SKI: variants seen among roughly 807,000 people sequenced by gnomAD.
SKI encodes ski oncogene.
Under a neutral mutation model 59.3 loss-of-function variants are expected in SKI, and 23 were observed. The observed-to-expected ratio is 0.39, with a 90% CI of 0.28 to 0.55. SKI has a LOEUF of 0.55. Ranked by LOEUF, SKI falls within the 20% of genes least tolerant of loss-of-function variation. The pLI is 0.67. For synonymous variants in SKI, 673 were observed against 488.6 expected (o/e 1.38, Z -4.98); for missense variants, 1,017 against 1,038.9 (o/e 0.98, Z 0.29).
intron 1 of SKI, among the ~76,000 whole-genome samples, chr1:2,253,805 T>G (rs917294786): frequency 6.6e-6 from 1 of 152,126 alleles, no homozygotes; most frequent in Non-Finnish European, 1.5e-5. Flanking sequence ...GTGCCCCCCC[T>G]ACCAGGGCTG....
At chr1:2,254,517 TACTC>T (rs1176410624) in intron 1 of SKI, among the ~76,000 whole-genome samples, 3 of 152,262 alleles carry the variant, frequency 2.0e-5, no homozygotes, top group African/African-American at 4.8e-5. Flanking sequence ...ATTTACTTGA[TACTC>T]AGTCTGGGTG....
chr1:2,286,741 C>G (rs533365050), intron 1 of SKI, among the ~76,000 whole-genome samples: 1 of 152,254 alleles, frequency 6.6e-6, no homozygotes, highest in Admixed American at 6.5e-5. Flanking sequence ...GCGCCTGTCT[C>G]CCTCCCTCCC....
rs1639595267 is a variant in SKI, at chr1:2,270,591, C to T, written c.970-32387C>T. Among the ~76,000 whole-genome samples, 1 of 152,074 alleles carries T rather than the reference C, an allele frequency of 6.6e-6. No individual in the cohort carries two copies. Among genetic ancestry groups the T allele is most frequent in the Admixed American group, 6.5e-5 (1 of 15,280 alleles). ...AACAAGCTGCCGGCTGAGGAGGCCG[C>T]ACTCCCCGTGCCTCCCGGGCAGACA... On this transcript the variant is annotated intron_variant, in intron 1 of 6. Coordinates refer to ENST00000378536, the MANE Select transcript of SKI (RefSeq NM_003036.4). This position sits in a 1 kb window ranked among gnomAD's most constrained non-coding sequence, Gnocchi z 4.1.
chr1:2,285,387 T>C (rs575486221), intron 1 of SKI, among the ~76,000 whole-genome samples: 195 of 151,114 alleles, frequency 1.3e-3, no homozygotes, highest in Middle Eastern at 6.8e-3. Context: ...TGGTGGCGGG[T>C]GCCTGTAATC....
At chr1:2,234,723 TGAG>T (rs1638716076) in intron 1 of SKI, among the ~76,000 whole-genome samples, 2 of 152,182 alleles carry the variant, frequency 1.3e-5, no homozygotes, top group Admixed American at 6.5e-5. Flanking sequence ...TTGCGAAAGT[TGAG>T]GGAGGATTTC....
In SKI at chr1:2,304,684, C is replaced by CT; in HGVS notation, c.1767+100dup. On this transcript the variant is annotated intron_variant, in intron 5 of 6. Transcript: ENST00000378536. ...CAGGTGGTGCCTCCTCCCTTCCTGG[C>CT]TGCCCCATGCGCTCCTCTCTGCCTC... 6 of 1,453,550 alleles carry CT rather than the reference C, an allele frequency of 4.1e-6. No individual in the cohort carries two copies. In the South Asian group the frequency reaches 8.5e-5, roughly 21 times the overall value. The allele number at this position is 1,453,550 out of a possible 1,614,324, so 90.0% of individuals were successfully genotyped here.
intron 1 of SKI, among the ~76,000 whole-genome samples, chr1:2,252,034 A>G (rs1639162319): frequency 6.6e-6 from 1 of 152,098 alleles, no homozygotes. Flanking sequence ...GGTCTTTGCC[A>G]GTGCTCTGCA....
intron 1 of SKI, among the ~76,000 whole-genome samples, chr1:2,252,684 A>G (rs1003854842): frequency 6.6e-6 from 1 of 152,100 alleles, no homozygotes; most frequent in Non-Finnish European, 1.5e-5. Context: ...GCTGTCCCCA[A>G]ACGCGTGGTA....
chr1:2,229,297 C>G lies in SKI; in HGVS notation c.531C>G (p.Ile177Met). 6.3e-7 allele frequency: 1 copy of G among 1,596,414 alleles called. No individual in the cohort carries two copies. Among genetic ancestry groups the G allele is most frequent in the Non-Finnish European group, 8.5e-7 (1 of 1,172,402 alleles). The change falls in exon 1 of 7, where the codon ATC (isoleucine) becomes ATG (methionine). Residue 177 changes from isoleucine to methionine, a missense_variant. Physicochemically the swap from Ile to Met is conservative, Grantham distance 10 (BLOSUM62 1). Coordinates refer to ENST00000378536, the MANE Select transcript of SKI (RefSeq NM_003036.4). This position sits in a 1 kb window ranked among gnomAD's most constrained non-coding sequence, Gnocchi z 6.3. Reference protein sequence around the residue: ...LPFSAPSCGLITKTDAERLCN... With the variant: ...LPFSAPSCGLMTKTDAERLCN... The stretch of plus-strand genomic sequence containing the variant: ...TCTCGGCGCCCTCGTGCGGGCTCAT[C>G]ACCAAGACGGACGCCGAGCGCCTGT...
rs377472133 is a variant in SKI at position 2,272,332 on chromosome 1, C to T, written c.970-30646C>T. ...AACACACATAGACTTCCAGGTTTAG[C>T]ATAAATAGAAACCAGAGGTGTTGAG... On this transcript the variant is annotated intron_variant, in intron 1 of 6. Coordinates refer to ENST00000378536, the MANE Select transcript of SKI (RefSeq NM_003036.4). 3.9e-5 allele frequency among the ~76,000 whole-genome samples: 6 copies of T among 152,362 alleles called. No homozygotes were observed. In the East Asian group the frequency reaches 5.8e-4, roughly 15 times the overall value.
chr1:2,240,726 G>A (rs1638852501), intron 1 of SKI: 1 of 985,476 alleles, frequency 1.0e-6, no homozygotes, highest in Non-Finnish European at 1.2e-6. Flanking sequence ...GGAGAGCGGT[G>A]GCGCAGACAC....
intron 1 of SKI, among the ~76,000 whole-genome samples, chr1:2,297,629 C>T (rs763478688): frequency 1.3e-5 from 2 of 152,216 alleles, no homozygotes; most frequent in African/African-American, 2.4e-5. Context: ...GCAGCCATCC[C>T]CTCCATAAGC....
rs1280435259 is a variant in SKI, at chr1:2,229,739, AGTGGCCCCAG to A, written c.969+6_969+15del. The A allele has an allele frequency of 6.4e-7, 1 of 1,555,360 alleles. No individual in the cohort carries two copies. Among genetic ancestry groups the A allele is most frequent in the East Asian group, 2.4e-5 (1 of 41,122 alleles). ...GTACAAGCGGCGGGTGCCCCGGGTG[AGTGGCCCCAG>A]GCCTGGGAGCTGGGGAGGATGCGCT... is the stretch of plus-strand genomic sequence containing the variant. On this transcript the variant is annotated splice_donor_5th_base_variant and intron_variant, in intron 1 of 6. Coordinates refer to ENST00000378536, the MANE Select transcript of SKI (RefSeq NM_003036.4). This position sits in a 1 kb window ranked among gnomAD's most constrained non-coding sequence, Gnocchi z 6.3.
intron 1 of SKI, among the ~76,000 whole-genome samples, chr1:2,300,424 G>A (rs940320724): frequency 1.3e-5 from 2 of 151,742 alleles, no homozygotes; most frequent in South Asian, 2.1e-4. Context: ...GCAAGCGGTC[G>A]TAGCTGCTCT....
At chr1:2,277,741 ACT>A (rs767500672) in intron 1 of SKI, among the ~76,000 whole-genome samples, 1 of 147,586 alleles carries the variant, frequency 6.8e-6, no homozygotes, top group Non-Finnish European at 1.5e-5. Flanking sequence ...ACACACCTGC[ACT>A]CACACATTCA....
chr1:2,306,555 T>C (rs1183233110), intron 6 of SKI, 22 bp from the exon 7 acceptor site: 1 of 1,538,504 alleles, frequency 6.5e-7, no homozygotes, highest in South Asian at 1.2e-5. Flanking sequence ...CAGGCGCCGC[T>C]GACCACTCGG....
At chr1:2,277,995 A>G (rs1048212599) in intron 1 of SKI, among the ~76,000 whole-genome samples, 1 of 152,100 alleles carries the variant, frequency 6.6e-6, no homozygotes, top group African/African-American at 2.4e-5. Flanking sequence ...GCATACATGG[A>G]TGCACACATC....
chr1:2,304,133 C>A, intron 4 of SKI, 31 bp downstream of exon 4: 1 of 1,609,828 alleles, frequency 6.2e-7, no homozygotes, highest in East Asian at 2.2e-5. Flanking sequence ...GTGCCTCCTC[C>A]CTGTGGGCTG....
Position 2,229,777 on chromosome 1 carries a change from G to A in SKI, c.969+42G>A. 4 of 1,549,838 alleles carry A rather than the reference G, an allele frequency of 2.6e-6. No individual in the cohort carries two copies. The highest frequency in any genetic ancestry group is 3.5e-6 in the Non-Finnish European group (4 of 1,146,982). On this transcript the variant is annotated intron_variant, in intron 1 of 6. Coordinates refer to ENST00000378536, the MANE Select transcript of SKI (RefSeq NM_003036.4). This position sits in a 1 kb window ranked among gnomAD's most constrained non-coding sequence, Gnocchi z 6.3. ...CTGGGAGCTGGGGAGGATGCGCTTG[G>A]GGTGGGGGCCCCTTCTGGACTACAG... is the stretch of plus-strand genomic sequence containing the variant.
Sources: gnomAD v4.1 joint callset for allele counts (sites outside exome capture counted in the v4.1 genomes callset) on GRCh38, gnomAD v4.1.1 for gene constraint, Gnocchi (gnomAD v3.1) non-coding constraint, MANE v1.5 for transcripts, NCBI Gene and HGNC (gene_info 2026-07-23, HGNC 2026-07-21) for gene names.